CA8: variants seen among roughly 807,000 people sequenced by gnomAD.
CA8 encodes the protein carbonic anhydrase 8 (inactive).
In CA8, 22 loss-of-function variants were observed where a neutral mutation model predicts 41.4. That is an observed-to-expected ratio of 0.53 (90% CI 0.38 to 0.76). The LOEUF (loss-of-function observed/expected upper bound fraction) is 0.76, where lower values mean the gene tolerates loss of function less well. Among genes scored for constraint, CA8 ranks in the 30% least tolerant of loss-of-function variants. The probability of loss-of-function intolerance (pLI) is 0.00; values close to 1 mark genes in which losing one functional copy is unlikely to be tolerated. For synonymous variants in CA8, 121 were observed against 130.6 expected, an observed-to-expected ratio of 0.93 and a Z score of 0.50; for missense variants, 270 against 352.8, an observed-to-expected ratio of 0.77 and a Z score of 1.88.
At chr8:60,207,268 C>G (rs1806621566) in intron 8 of CA8, among the ~76,000 whole-genome samples, 1 of 152,214 alleles carries the variant, frequency 6.6e-6, no homozygotes, top group South Asian at 2.1e-4. Flanking sequence ...GTCTGTAAAG[C>G]CTCCCACAAG....
In CA8 at chr8:60,224,518, C is replaced by T. The variant is rs149447095; in HGVS notation, c.625+19G>A. On this transcript the variant is annotated intron_variant, in intron 6 of 8. Coordinates refer to ENST00000317995, the MANE Select transcript of CA8 (RefSeq NM_004056.6). ...AGCCACAGTTAAAATTCATTTTATGCAATCAGGTAAATACTCACCTGGTAA... is the reference window on the plus strand; with the variant it reads ...AGCCACAGTTAAAATTCATTTTATGTAATCAGGTAAATACTCACCTGGTAA... 3.5e-6 allele frequency: 5 copies of T among 1,435,658 alleles called. No individual in the cohort carries two copies. In the Admixed American group the frequency reaches 5.0e-5, roughly 14 times the overall value. 88.9% of individuals were successfully genotyped at this position (1,435,658 alleles called of 1,614,324 possible).
intron 4 of CA8, among the ~76,000 whole-genome samples, chr8:60,230,669 C>A (rs1319008578): frequency 6.6e-6 from 1 of 151,708 alleles, no homozygotes; most frequent in Non-Finnish European, 1.5e-5. Context: ...TGAGAATTTG[C>A]ACACAGATAA....
chr8:60,196,411 G>C (rs187028608), intron 8 of CA8, among the ~76,000 whole-genome samples: 9 of 152,168 alleles, frequency 5.9e-5, no homozygotes, highest in Non-Finnish European at 1.2e-4. Context: ...AGAATCAATA[G>C]TTTGCCCAAG....
chr8:60,193,387 T>A (rs1360760093), intron 8 of CA8, among the ~76,000 whole-genome samples: 4 of 152,218 alleles, frequency 2.6e-5, no homozygotes, highest in Admixed American at 2.6e-4. Context: ...CTGGCATTTA[T>A]TCATCCCCTT....
At chr8:60,210,961 G>C (rs187347506) in intron 7 of CA8, among the ~76,000 whole-genome samples, 9 of 152,292 alleles carry the variant, frequency 5.9e-5, no homozygotes, top group Non-Finnish European at 1.2e-4. Context: ...CCTAAGTACA[G>C]AGTGAAAAGG....
chr8:60,210,715 AC>A (rs778477934), intron 7 of CA8, among the ~76,000 whole-genome samples: 13 of 151,884 alleles, frequency 8.6e-5, no homozygotes, highest in Admixed American at 6.6e-5. Context: ...ATTAAGTCTG[AC>A]CCAACTGGGA....
At chr8:60,222,613 A>T (rs753551183) in intron 7 of CA8, 36 bp downstream of exon 7, 16 of 1,283,860 alleles carry the variant, frequency 1.2e-5, no homozygotes, top group East Asian at 2.3e-5. Context: ...TTTAACTCAG[A>T]ACTTCACTCT....
intron 6 of CA8, 119 bp from the exon 7 acceptor site, chr8:60,222,880 C>A: frequency 1.4e-6 from 1 of 716,892 alleles, no homozygotes; most frequent in African/African-American, 1.7e-5. Context: ...AGATGGATGT[C>A]ATTTTTAAAC....
At chr8:60,272,409 T>A (rs1261401576) in intron 2 of CA8, among the ~76,000 whole-genome samples, 3 of 151,956 alleles carry the variant, frequency 2.0e-5, no homozygotes, top group Non-Finnish European at 4.4e-5. Context: ...AAAGAAAGGT[T>A]CTACTCTTTA....
intron 8 of CA8, among the ~76,000 whole-genome samples, chr8:60,192,515 T>C (rs2130375374): frequency 6.6e-6 from 1 of 152,254 alleles, no homozygotes; most frequent in Non-Finnish European, 1.5e-5. Context: ...ATGCCATGTG[T>C]TGGAAGTTTA....
intron 3 of CA8, among the ~76,000 whole-genome samples, chr8:60,240,616 A>T (rs1210331167): frequency 1.3e-5 from 2 of 152,236 alleles, no homozygotes; most frequent in African/African-American, 4.8e-5. Context: ...ATAGTCATTA[A>T]GAACTTTCCT....
intron 2 of CA8, among the ~76,000 whole-genome samples, chr8:60,274,134 A>G (rs1445363856): frequency 6.9e-6 from 1 of 145,542 alleles, no homozygotes; most frequent in African/African-American, 2.6e-5. Flanking sequence ...AATTTCTAAA[A>G]AGAACTGTGC....
intron 8 of CA8, among the ~76,000 whole-genome samples, chr8:60,203,682 T>C (rs1294172744): frequency 6.6e-6 from 1 of 152,190 alleles, no homozygotes; most frequent in Non-Finnish European, 1.5e-5. Context: ...TAAAAAAGTA[T>C]CTCCTTATAC....
intron 8 of CA8, among the ~76,000 whole-genome samples, chr8:60,197,228 C>A (rs752680830): frequency 6.1e-4 from 93 of 152,078 alleles, no homozygotes; most frequent in Non-Finnish European, 1.1e-3. Flanking sequence ...TACTTAAAAG[C>A]AATGTATGTA....
At chr8:60,258,105 C>G (rs1474259255) in intron 3 of CA8, among the ~76,000 whole-genome samples, 1 of 152,236 alleles carries the variant, frequency 6.6e-6, no homozygotes, top group Non-Finnish European at 1.5e-5. Flanking sequence ...TCCAGCGTCT[C>G]CACACTGTAC....
Position 60,232,114 on chromosome 8 carries a change from T to C in CA8, c.513+170A>G, listed in dbSNP as rs193286905. Reference sequence around the variant, plus strand: ...AGGAACTATTTTCTACCAATGAATATGTCTGAACTCCGATAAACCATAAGG... The same window carrying C: ...AGGAACTATTTTCTACCAATGAATACGTCTGAACTCCGATAAACCATAAGG... On this transcript the variant is annotated intron_variant, in intron 4 of 8. Coordinates refer to ENST00000317995, the MANE Select transcript of CA8 (RefSeq NM_004056.6). 5.3e-5 allele frequency among the ~76,000 whole-genome samples: 8 copies of C among 152,332 alleles called. No individual in the cohort carries two copies. The East Asian group carries it at 1.4e-3, about 26-fold the overall frequency.
At chr8:60,209,651 A>G (rs1010888642) in intron 7 of CA8, among the ~76,000 whole-genome samples, 13 of 152,356 alleles carry the variant, frequency 8.5e-5, no homozygotes, top group Middle Eastern at 3.4e-3. Flanking sequence ...TAGATTTATC[A>G]GATAGATTCA....
At chr8:60,199,535 G>C (rs1806365698) in intron 8 of CA8, among the ~76,000 whole-genome samples, 1 of 152,216 alleles carries the variant, frequency 6.6e-6, no homozygotes, top group East Asian at 1.9e-4. Flanking sequence ...ATTCTGAAGG[G>C]GTTTTAAGAA....
intron 4 of CA8, among the ~76,000 whole-genome samples, chr8:60,228,290 A>T (rs1487687097): frequency 6.6e-6 from 1 of 152,262 alleles, no homozygotes; most frequent in Non-Finnish European, 1.5e-5. Flanking sequence ...AAAAACATTT[A>T]AAACCTAATG....
Sources: allele counts gnomAD v4.1 joint callset (sites outside exome capture counted in the v4.1 genomes callset), GRCh38; gene constraint gnomAD v4.1.1; transcripts MANE v1.5; gene names NCBI Gene and HGNC (gene_info 2026-07-23, HGNC 2026-07-21).